The following KDM5C variants were observed in gnomAD, a reference collection of about 807,000 sequenced individuals.
KDM5C encodes the protein lysine-specific demethylase 5C.
A neutral mutation model predicts 110.6 loss-of-function variants in KDM5C; 16 were observed. That is an observed-to-expected ratio of 0.14 (90% confidence interval 0.10 to 0.22). The LOEUF is 0.22. Among genes scored for constraint, KDM5C ranks in the 10% least tolerant of loss-of-function variants. The pLI is 1.00. For missense variants in KDM5C, 681 were observed against 1,300.9 expected, an observed-to-expected ratio of 0.52 and a Z score of 7.33; for synonymous variants, 511 against 520.4, an observed-to-expected ratio of 0.98 and a Z score of 0.24.
intron 5 of KDM5C, 116 bp downstream of exon 5, chrX:53,217,024 CAGA>C (rs2073761916): frequency 1.1e-6 from 1 of 883,640 alleles, no homozygotes; most frequent in Non-Finnish European, 1.6e-6. Flanking sequence ...CACTAATGCT[CAGA>C]AGAACTCAGA....
intron 25 of KDM5C, among the ~76,000 whole-genome samples, chrX:53,180,817 C>T (rs1038661022): frequency 9.6e-6 from 1 of 104,422 alleles, no homozygotes; most frequent in Non-Finnish European, 2.0e-5. Context: ...GGCTCCACCC[C>T]CCGGGGGTTC....
intron 25 of KDM5C, among the ~76,000 whole-genome samples, chrX:53,178,587 G>A (rs1933941666): frequency 8.9e-6 from 1 of 112,003 alleles, no homozygotes; most frequent in African/African-American, 3.2e-5. Context: ...CCTCAAAAAA[G>A]AAATCTCCTT....
Position 53,208,434 on chromosome X carries a change from T to C in KDM5C, c.1746+1980A>G, listed in dbSNP as rs868935140. Reference sequence around the variant, plus strand: ...ACACATACATATATATATATATATATATATATATACACACACACATATATA... The same window carrying C: ...ACACATACATATATATATATATATACATATATATACACACACACATATATA... On this transcript the variant is annotated intron_variant, in intron 12 of 25. Coordinates refer to ENST00000375401, the MANE Select transcript of KDM5C (RefSeq NM_004187.5). Among the ~76,000 whole-genome samples the C allele has an allele frequency of 3.6e-3, 324 of 90,888 alleles. 3 individuals carry two copies. The highest frequency in any genetic ancestry group is 0.015 in the African/African-American group (297 of 19,551). 78.9% of individuals were successfully genotyped at this position (90,888 alleles called of 115,157 possible). A position where few individuals can be genotyped will look rare whatever the true frequency, so the allele number is the denominator to read the frequency against.
chrX:53,191,606 T>C (rs1934421787), downstream of KDM5C: 1 of 175,079 alleles, frequency 5.7e-6, no homozygotes, highest in Non-Finnish European at 1.1e-5. Context: ...TTAGTCCCCA[T>C]TCATCAGGGG....
Position 53,224,781 on chromosome X carries a change from T to C in KDM5C, c.109A>G (p.Ile37Val), listed in dbSNP as rs1556856128. The C allele has an allele frequency of 1.7e-6, 2 of 1,212,013 alleles. No individual in the cohort carries two copies. The highest frequency in any genetic ancestry group is 1.8e-5 in the South Asian group (1 of 57,029). Reference protein sequence around the residue: ...PLGYIAKIRPIAEKSGICKIR... With the variant: ...PLGYIAKIRPVAEKSGICKIR... The stretch of plus-strand genomic sequence containing the variant: ...TTGCAAATGCCCGATTTCTCTGCGA[T>C]GGGCCTGATTTTCGCGATGTAGCCA... The change falls in exon 1 of 26, where the codon ATC becomes GTC. Residue 37 changes from isoleucine (I) to valine (V), a missense_variant. Physicochemically the swap from Ile to Val is conservative, Grantham distance 29. Around this residue, in one of 14 missense-constraint regions of KDM5C, gnomAD observed 15 missense variants for 37.0 expected, o/e 0.41. Coordinates refer to ENST00000375401, the MANE Select transcript of KDM5C (RefSeq NM_004187.5).
At chrX:53,206,492 A>G (rs1556845281) in intron 12 of KDM5C, among the ~76,000 whole-genome samples, 1 of 111,890 alleles carries the variant, frequency 8.9e-6, no homozygotes. Flanking sequence ...AAAAATGGTT[A>G]TAATTCATAT....
At position 53,211,599 on chromosome X, in the gene KDM5C, C is replaced by T. The variant is rs1556848892; in HGVS notation, c.1299G>A (p.Glu433=). 1 of 1,211,528 alleles carries T rather than the reference C, an allele frequency of 8.3e-7. No homozygotes were observed. The highest frequency in any genetic ancestry group is 2.2e-5 in the Admixed American group (1 of 46,033). ...KEFWRLVNSI[E]EDVTVEYGAD... The stretch of plus-strand genomic sequence containing the variant: ...CTCCATACTCAACAGTCACATCTTC[C>T]TCAATGCTATTTACCAGCCTCCAGA... The change falls in exon 10 of 26, where the codon GAG becomes GAA. Residue 433 remains glutamate (E), a synonymous_variant. Transcript: ENST00000375401.
chrX:53,204,904 T>C (rs959278545), intron 12 of KDM5C, among the ~76,000 whole-genome samples: 3 of 112,242 alleles, frequency 2.7e-5, no homozygotes, highest in Non-Finnish European at 3.8e-5. Flanking sequence ...GATTCTGAGG[T>C]ATGAATCGGG....
At chrX:53,199,287 C>T in intron 14 of KDM5C, 129 bp from the exon 15 acceptor site, 1 of 646,712 alleles carries the variant, frequency 1.5e-6, no homozygotes, top group Non-Finnish European at 2.5e-6. Context: ...AGAGGCCAAA[C>T]CCCAGGGAGC....
chrX:53,191,228 T>G, downstream of KDM5C: 1 of 169,191 alleles, frequency 5.9e-6, no homozygotes. Context: ...CTTAAAGACT[T>G]TGGGACTCAG....
rs782612882 is a variant in KDM5C at position 53,197,606 on chromosome X, A to T, written c.2622+165T>A. ...CTGACCCTCAAGGCCCATTTCTAACAGACAAGTCACTAGACCCTTGCCTCA... is the reference window on the plus strand; with the variant it reads ...CTGACCCTCAAGGCCCATTTCTAACTGACAAGTCACTAGACCCTTGCCTCA... On this transcript the variant is annotated intron_variant, in intron 18 of 25. Transcript: ENST00000375401. 9.7e-5 allele frequency: 47 copies of T among 485,074 alleles called. No individual in the cohort carries two copies. The South Asian group carries it at 1.3e-3, about 14-fold the overall frequency. The allele number at this position is 485,074 out of a possible 1,213,427, so 40.0% of individuals were successfully genotyped here. A position where few individuals can be genotyped will look rare whatever the true frequency, so the allele number is the denominator to read the frequency against.
intron 6 of KDM5C, 26 bp from the exon 7 acceptor site, chrX:53,216,002 A>G: frequency 8.3e-7 from 1 of 1,211,663 alleles, no homozygotes; most frequent in Non-Finnish European, 1.1e-6. Flanking sequence ...ATGGCTGTAA[A>G]CACAGGTCTA....
At chrX:53,211,957 A>G in intron 8 of KDM5C, 51 bp from the exon 9 acceptor site, 2 of 1,197,367 alleles carry the variant, frequency 1.7e-6, no homozygotes, top group Non-Finnish European at 2.3e-6. Context: ...AGAGGTGAAG[A>G]ATCCTCCCAA....
In KDM5C at chrX:53,195,222, A is replaced by C. The variant is rs1556835859; in HGVS notation, c.3300+9T>G. 1 of 1,198,524 alleles carries C rather than the reference A, an allele frequency of 8.3e-7. No individual in the cohort carries two copies. The highest frequency in any genetic ancestry group is 1.1e-6 in the Non-Finnish European group (1 of 887,686). On this transcript the variant is annotated intron_variant, in intron 21 of 25. Coordinates refer to ENST00000375401, the MANE Select transcript of KDM5C (RefSeq NM_004187.5). Reference sequence around the variant, plus strand: ...AAGAGACGCTGTAGGTCAAGGTCCCAGGCCTCACCTCCAGCAGCGTGTAGC... The same window carrying C: ...AAGAGACGCTGTAGGTCAAGGTCCCCGGCCTCACCTCCAGCAGCGTGTAGC...
chrX:53,188,529 C>T (rs987752416), downstream of KDM5C, among the ~76,000 whole-genome samples: 13 of 110,210 alleles, frequency 1.2e-4, no homozygotes, highest in South Asian at 4.0e-4. Flanking sequence ...GCACCCGCGA[C>T]GACACCCAGC....
At chrX:53,201,452 C>T in intron 14 of KDM5C, 98 bp downstream of exon 14, 1 of 832,399 alleles carries the variant, frequency 1.2e-6, no homozygotes, top group African/African-American at 2.0e-5. Flanking sequence ...GTTCTTTTCA[C>T]TATACGCCAA....
At chrX:53,224,603 G>T in intron 1 of KDM5C, 137 bp downstream of exon 1, 1 of 798,702 alleles carries the variant, frequency 1.3e-6, no homozygotes, top group Non-Finnish European at 1.8e-6. Context: ...CCCTTTTTCC[G>T]ATCCGCGCCG....
intron 12 of KDM5C, among the ~76,000 whole-genome samples, chrX:53,209,521 A>G (rs1556847690): frequency 8.9e-6 from 1 of 112,338 alleles, no homozygotes; most frequent in Non-Finnish European, 1.9e-5. Context: ...GAATATCTGA[A>G]GGAGACATTA....
intron 25 of KDM5C, among the ~76,000 whole-genome samples, chrX:53,180,542 T>C (rs1556825547): frequency 9.2e-6 from 1 of 109,287 alleles, no homozygotes; most frequent in Non-Finnish European, 1.9e-5. Flanking sequence ...GGATACATAC[T>C]TTCCACTCAA....
Sources: gnomAD v4.1 joint callset for allele counts (sites outside exome capture counted in the v4.1 genomes callset) on GRCh38, gnomAD v4.1.1 for gene constraint, gnomAD v4.1.1 regional missense constraint, MANE v1.5 for transcripts, NCBI Gene and HGNC (gene_info 2026-07-23, HGNC 2026-07-21) for gene names.